Variants in CA10 observed in about 807,000 individuals in gnomAD.
CA10 encodes the protein carbonic anhydrase-related protein 10.
CA10 carries 14 observed loss-of-function variants against 44.2 expected under a neutral mutation model. The ratio of observed to expected loss-of-function variants is 0.32; its 90% CI spans 0.21 to 0.50. CA10 has a LOEUF of 0.50. Among genes scored for constraint, CA10 ranks in the 20% least tolerant of loss-of-function variants. The probability of loss-of-function intolerance (pLI) is 0.99; values close to 1 mark genes in which losing one functional copy is unlikely to be tolerated. For missense variants in CA10, 350 were observed against 409.7 expected (o/e 0.85, Z 1.26); for synonymous variants, 159 against 141.6 (o/e 1.12, Z -0.87).
At chr17:52,023,849 C>G (rs1986219587) in intron 2 of CA10, among the ~76,000 whole-genome samples, 1 of 151,970 alleles carries the variant, frequency 6.6e-6, no homozygotes, top group Non-Finnish European at 1.5e-5. Flanking sequence ...CATTTTATGT[C>G]TTTTTCTTTA....
At chr17:51,649,278 A>G (rs1402719721) in intron 5 of CA10, 24 bp from the exon 6 acceptor site, 1 of 1,505,008 alleles carries the variant, frequency 6.6e-7, no homozygotes, top group African/African-American at 1.4e-5. Flanking sequence ...GAAAATATTA[A>G]TGACTGGGCA....
chr17:51,988,627 G>A (rs1984927485), intron 2 of CA10, among the ~76,000 whole-genome samples: 1 of 151,684 alleles, frequency 6.6e-6, no homozygotes, highest in Non-Finnish European at 1.5e-5. Flanking sequence ...AAAGTATTGG[G>A]TCCTTTACTC....
chr17:51,806,894 C>T (rs12452577), intron 3 of CA10, among the ~76,000 whole-genome samples: 29,385 of 152,142 alleles, frequency 0.19, 3,373 homozygotes, highest in Middle Eastern at 0.34. Context: ...CTGGCTAGTA[C>T]CTGGTTTAAC....
At chr17:51,891,788 C>T (rs1341036425) in intron 3 of CA10, among the ~76,000 whole-genome samples, 5 of 152,132 alleles carry the variant, frequency 3.3e-5, no homozygotes, top group African/African-American at 7.2e-5. Context: ...TTCACTCTCA[C>T]GATGGGAATA....
Position 51,931,000 on chromosome 17 carries a change from C to T in CA10, c.269G>A (p.Gly90Glu), listed in dbSNP as rs769454483. 7.4e-6 allele frequency: 12 copies of T among 1,613,010 alleles called. No homozygotes were observed. Among genetic ancestry groups the T allele is most frequent in the Middle Eastern group, 1.6e-4 (1 of 6,074 alleles). ...PFLTPLRINT[G>E]GRKVSGTMYN... The stretch of plus-strand genomic sequence containing the variant: ...AATATGGTGGCTTACCTTCCTGCCC[C>T]CCGTGTTGATGCGAAGAGGTGTCAG... The change falls in exon 3 of 9, where the codon GGG (glycine) becomes GAG (glutamate). Residue 90 changes from glycine (G) to glutamate (E), a missense_variant. Gly to Glu is a moderately conservative substitution (Grantham distance 98, BLOSUM62 -2). Transcript: ENST00000451037.
At chr17:51,924,995 C>T (rs1012018743) in intron 3 of CA10, among the ~76,000 whole-genome samples, 1 of 152,118 alleles carries the variant, frequency 6.6e-6, no homozygotes, top group Non-Finnish European at 1.5e-5. Flanking sequence ...TTTGAGATAA[C>T]CAATGTAGGT....
At chr17:52,110,087 G>A (rs1320512337) in intron 1 of CA10, among the ~76,000 whole-genome samples, 1 of 152,154 alleles carries the variant, frequency 6.6e-6, no homozygotes, top group African/African-American at 2.4e-5. Context: ...ACCGGCATGA[G>A]TCCAGCTGAA....
chr17:51,860,727 TCTG>T (rs1429964246), intron 3 of CA10, among the ~76,000 whole-genome samples: 4 of 152,218 alleles, frequency 2.6e-5, no homozygotes, highest in African/African-American at 4.8e-5. Context: ...TAATAGTTGC[TCTG>T]CTATGTGTCT....
At chr17:52,103,155 G>C (rs1598215951) in intron 1 of CA10, among the ~76,000 whole-genome samples, 2 of 152,288 alleles carry the variant, frequency 1.3e-5, no homozygotes, top group East Asian at 3.9e-4. Flanking sequence ...CCCAGCACCT[G>C]TGTTTTGTAA....
chr17:52,077,009 T>C (rs1987834906), intron 1 of CA10, among the ~76,000 whole-genome samples: 2 of 152,222 alleles, frequency 1.3e-5, no homozygotes, highest in Non-Finnish European at 2.9e-5. Flanking sequence ...AAAATTGTCA[T>C]CACTGCCAGA....
Position 51,833,514 on chromosome 17 carries a change from G to A in CA10, c.280-85696C>T, listed in dbSNP as rs537750144. Among the ~76,000 whole-genome samples, 10 of 152,278 alleles carry A rather than the reference G, an allele frequency of 6.6e-5. No individual in the cohort carries two copies. The East Asian group carries it at 1.9e-3, about 29-fold the overall frequency. Reference sequence around the variant, plus strand: ...GCAAAAAGCACTGAACTTACTAGAGGTCTAGCACTTTTGATTAATCTTTAA... The same window carrying A: ...GCAAAAAGCACTGAACTTACTAGAGATCTAGCACTTTTGATTAATCTTTAA... On this transcript the variant is annotated intron_variant, in intron 3 of 8. Transcript: ENST00000451037.
intron 4 of CA10, among the ~76,000 whole-genome samples, chr17:51,725,756 G>A (rs955066104): frequency 5.3e-5 from 8 of 152,160 alleles, no homozygotes; most frequent in African/African-American, 1.9e-4. Context: ...GAAGGCAGAT[G>A]TTCACAGTCA....
intron 2 of CA10, among the ~76,000 whole-genome samples, chr17:52,037,683 C>G (rs992722259): frequency 6.6e-6 from 1 of 152,118 alleles, no homozygotes; most frequent in South Asian, 2.1e-4. Flanking sequence ...CCAGATGACA[C>G]TAGACCAGCC....
At chr17:51,853,200 A>G (rs1365753857) in intron 3 of CA10, among the ~76,000 whole-genome samples, 1 of 152,192 alleles carries the variant, frequency 6.6e-6, no homozygotes, top group Non-Finnish European at 1.5e-5. Context: ...CCCAATGATG[A>G]TATTTAACTG....
chr17:51,867,461 C>T (rs1979600155), intron 3 of CA10, among the ~76,000 whole-genome samples: 1 of 152,074 alleles, frequency 6.6e-6, no homozygotes, highest in Non-Finnish European at 1.5e-5. Context: ...TGAAGTGCAG[C>T]AAGTTCTTTA....
At chr17:51,839,932 T>C (rs909709342) in intron 3 of CA10, among the ~76,000 whole-genome samples, 1 of 152,308 alleles carries the variant, frequency 6.6e-6, no homozygotes, top group African/African-American at 2.4e-5. Flanking sequence ...TTCCTTCTAT[T>C]GTATCATTTA....
chr17:51,928,192 G>A (rs1235679432), intron 3 of CA10, among the ~76,000 whole-genome samples: 1 of 152,094 alleles, frequency 6.6e-6, no homozygotes, highest in Non-Finnish European at 1.5e-5. Context: ...TATGTCTTAT[G>A]TAGATAGCCT....
chr17:52,015,763 C>T (rs956050011), intron 2 of CA10, among the ~76,000 whole-genome samples: 1 of 152,112 alleles, frequency 6.6e-6, no homozygotes, highest in East Asian at 1.9e-4. Flanking sequence ...ATTTCTGAAG[C>T]CTAAGGTCTG....
intron 2 of CA10, among the ~76,000 whole-genome samples, chr17:52,063,811 A>C (rs1293487349): frequency 6.6e-6 from 1 of 152,196 alleles, no homozygotes; most frequent in Non-Finnish European, 1.5e-5. Context: ...ATCCAGCCTC[A>C]GGTATTCATT....
Sources: allele counts gnomAD v4.1 joint callset (sites outside exome capture counted in the v4.1 genomes callset), GRCh38; gene constraint gnomAD v4.1.1; transcripts MANE v1.5; gene names NCBI Gene and HGNC (gene_info 2026-07-23, HGNC 2026-07-21).